The following UCHL3 variants were observed in gnomAD, a reference collection of about 807,000 sequenced individuals.
UCHL3 encodes ubiquitin carboxyl-terminal hydrolase isozyme L3.
A neutral mutation model predicts 35.8 loss-of-function variants in UCHL3; 22 were observed. That is an observed-to-expected ratio of 0.61 (90% CI 0.44 to 0.88). The LOEUF is 0.88. Ranked by LOEUF, UCHL3 falls within the 40% of genes least tolerant of loss-of-function variation. UCHL3 has a pLI of 0.00. For missense variants in UCHL3, 229 were observed against 276.9 expected, an observed-to-expected ratio of 0.83 and a Z score of 1.23; for synonymous variants, 90 against 92.8, an observed-to-expected ratio of 0.97 and a Z score of 0.17.
At chr13:75,579,612 A>G (rs9543983) in intron 6 of UCHL3, among the ~76,000 whole-genome samples, 17,621 of 151,460 alleles carry the variant, frequency 0.12, 1,357 homozygotes, top group Middle Eastern at 0.28. Flanking sequence ...TTCTGATCTC[A>G]GAATTTTAGA....
intron 6 of UCHL3, chr13:75,589,988 G>T: frequency 7.7e-7 from 1 of 1,304,822 alleles, no homozygotes; most frequent in Non-Finnish European, 1.0e-6. Flanking sequence ...GCAGAACGAA[G>T]GCCTCATCAT....
intron 2 of UCHL3, among the ~76,000 whole-genome samples, chr13:75,555,052 A>T (rs2031246952): frequency 6.6e-6 from 1 of 152,194 alleles, no homozygotes; most frequent in East Asian, 1.9e-4. Context: ...GCTCCATTTC[A>T]AGCTTTTATC....
rs79193778 is a variant in UCHL3, at chr13:75,590,149, C to T, written c.475-4766C>T. The T allele has an allele frequency of 4.4e-4, 566 of 1,295,174 alleles. 3 individuals are homozygous for T. In the African/African-American group the frequency reaches 6.2e-3, roughly 14 times the overall value. The allele number at this position is 1,295,174 out of a possible 1,614,324, so 80.2% of individuals were successfully genotyped here. A position where few individuals can be genotyped will look rare whatever the true frequency, so the allele number is the denominator to read the frequency against. On this transcript the variant is annotated intron_variant, in intron 6 of 8. Transcript: ENST00000377595. ...TCTGTTGTAAGTTTAGTCAATCTTC[C>T]GTCTCTTCTTCCAGTGACAAGGGCT... is the stretch of plus-strand genomic sequence containing the variant.
chr13:75,562,373 C>A (rs1479773588), intron 3 of UCHL3, among the ~76,000 whole-genome samples: 3 of 152,078 alleles, frequency 2.0e-5, no homozygotes. Flanking sequence ...CAAACCCCTA[C>A]ACAATGGTAA....
intron 4 of UCHL3, 32 bp downstream of exon 4, chr13:75,566,883 C>T (rs562044411): frequency 1.5e-5 from 24 of 1,564,500 alleles, no homozygotes; most frequent in Non-Finnish European, 1.6e-5. Flanking sequence ...CATTTTTTCC[C>T]CCTTAAGATA....
chr13:75,597,591 A>G (rs1162299138), intron 7 of UCHL3, among the ~76,000 whole-genome samples: 4 of 152,324 alleles, frequency 2.6e-5, no homozygotes, highest in Non-Finnish European at 5.9e-5. Context: ...TAAGTAATCT[A>G]GAGATGATTT....
chr13:75,598,703 T>C (rs992335804), intron 7 of UCHL3, among the ~76,000 whole-genome samples: 31 of 152,240 alleles, frequency 2.0e-4, no homozygotes, highest in Non-Finnish European at 7.3e-5. Flanking sequence ...AGGCACATGA[T>C]GTCAATTTGC....
intron 2 of UCHL3, among the ~76,000 whole-genome samples, chr13:75,560,490 A>G (rs2031455761): frequency 6.6e-6 from 1 of 152,214 alleles, no homozygotes; most frequent in Admixed American, 6.5e-5. Flanking sequence ...CTGCTTTACT[A>G]CCATTCTGCC....
chr13:75,595,915 ACTT>A (rs1042694413), intron 7 of UCHL3, among the ~76,000 whole-genome samples: 22 of 152,064 alleles, frequency 1.4e-4, no homozygotes, highest in African/African-American at 2.2e-4. Flanking sequence ...ACTTATTATG[ACTT>A]CTTCTTATTC....
chr13:75,565,769 A>G (rs2031663830), intron 3 of UCHL3, among the ~76,000 whole-genome samples: 1 of 152,178 alleles, frequency 6.6e-6, no homozygotes, highest in Non-Finnish European at 1.5e-5. Flanking sequence ...CAATAAAATC[A>G]TCTTTCTCCT....
At chr13:75,561,925 G>A (rs941263579) in intron 3 of UCHL3, among the ~76,000 whole-genome samples, 8 of 151,576 alleles carry the variant, frequency 5.3e-5, no homozygotes, top group African/African-American at 1.7e-4. Context: ...GTATAGTGGA[G>A]CCAGAACTTT....
In UCHL3 at chr13:75,572,001, TTGTCTTGTC is replaced by T. The variant is rs1566216833; in HGVS notation, c.474+2496_474+2504del. ...CTGTCTTGTCTTGTCTTGTCTTGTCTTGTCTTGTCTTGTCTTGTCTTGTCTTTACTTTTC... is the reference window on the plus strand; with the variant it reads ...CTGTCTTGTCTTGTCTTGTCTTGTCTTTGTCTTGTCTTGTCTTTACTTTTC... On this transcript the variant is annotated intron_variant, in intron 6 of 8. Transcript: ENST00000377595. 1.3e-4 allele frequency among the ~76,000 whole-genome samples: 20 copies of T among 152,000 alleles called. No homozygotes were observed. In the East Asian group the frequency reaches 3.9e-3, roughly 29 times the overall value.
At chr13:75,551,758 C>G (rs948174557) in intron 2 of UCHL3, among the ~76,000 whole-genome samples, 1 of 152,156 alleles carries the variant, frequency 6.6e-6, no homozygotes, top group Non-Finnish European at 1.5e-5. Flanking sequence ...TAGGAACTTA[C>G]GTCCTGTGAT....
Position 75,594,967 on chromosome 13 carries a change from T to C in UCHL3, c.527T>C (p.Val176Ala), listed in dbSNP as rs914013757. 2 of 1,607,250 alleles carry C rather than the reference T, an allele frequency of 1.2e-6. No individual in the cohort carries two copies. Among genetic ancestry groups the C allele is most frequent in the African/African-American group, 2.7e-5 (2 of 74,538 alleles). Residue 176 changes from valine to alanine, a missense_variant, in exon 7 of 9, where the codon GTA (valine) becomes GCA (alanine). Physicochemically the swap from Val to Ala is moderately conservative, Grantham distance 64. Transcript: ENST00000377595. ...VDLHFIALVH[V>A]DGHLYELDGR... is the part of the protein sequence containing the mutation. The stretch of plus-strand genomic sequence containing the variant: ...CTTCATTTTATTGCATTAGTTCATG[T>C]AGATGGGCATCTCTATGAATTAGGT...
At chr13:75,563,920 CTG>C (rs58677064) in intron 3 of UCHL3, among the ~76,000 whole-genome samples, 8 of 149,454 alleles carry the variant, frequency 5.4e-5, no homozygotes, top group East Asian at 4.0e-4. Context: ...AATAATATTT[CTG>C]TGTGTGTGTG....
rs1397975816 is a variant in UCHL3 at position 75,560,804 on chromosome 13, G to A, written c.106G>A (p.Gly36Arg). The change falls in exon 3 of 9, where the codon GGA becomes AGA. Residue 36 changes from glycine to arginine, a missense_variant. Gly to Arg is a moderately radical substitution (Grantham distance 125). Coordinates refer to ENST00000377595, the MANE Select transcript of UCHL3 (RefSeq NM_006002.5). ...HPNWQFVDVY[G>R]MDPELLSMVP... The stretch of plus-strand genomic sequence containing the variant: ...TAACTGGCAATTCGTTGATGTATAT[G>A]GAATGGATCCTGAACTCCTTAGCAT... 1 of 1,598,170 alleles carries A rather than the reference G, an allele frequency of 6.3e-7. No individual in the cohort carries two copies. Among genetic ancestry groups the A allele is most frequent in the East Asian group, 2.3e-5 (1 of 44,298 alleles).
chr13:75,555,787 C>A (rs182506064), intron 2 of UCHL3, among the ~76,000 whole-genome samples: 207 of 152,206 alleles, frequency 1.4e-3, no homozygotes, highest in Non-Finnish European at 2.3e-3. Flanking sequence ...AGATGGAGGT[C>A]ACACTATGTT....
At chr13:75,556,888 A>C (rs1011877055) in intron 2 of UCHL3, among the ~76,000 whole-genome samples, 1 of 152,160 alleles carries the variant, frequency 6.6e-6, no homozygotes, top group Non-Finnish European at 1.5e-5. Flanking sequence ...TCGAAAAAGC[A>C]CTTAACCTCC....
At chr13:75,555,763 T>A (rs935666782) in intron 2 of UCHL3, among the ~76,000 whole-genome samples, 8 of 152,132 alleles carry the variant, frequency 5.3e-5, no homozygotes, top group Non-Finnish European at 1.0e-4. Context: ...ATTAAAAAAA[T>A]TTATTTCTTT....
Sources: gnomAD v4.1 joint callset for allele counts (sites outside exome capture counted in the v4.1 genomes callset) on GRCh38, gnomAD v4.1.1 for gene constraint, MANE v1.5 for transcripts, NCBI Gene and HGNC (gene_info 2026-07-23, HGNC 2026-07-21) for gene names.